ZFHX2: variants seen among roughly 807,000 people sequenced by gnomAD.
The protein encoded by ZFHX2 is zinc finger homeobox 2.
Under a neutral mutation model 164.8 loss-of-function variants are expected in ZFHX2, and 75 were observed. The observed-to-expected ratio is 0.46, with a 90% confidence interval of 0.38 to 0.55. The LOEUF is 0.55. Among genes scored for constraint, ZFHX2 ranks in the 20% least tolerant of loss-of-function variants. The pLI, the probability that ZFHX2 is intolerant of heterozygous loss-of-function variation, is 0.00. For synonymous variants in ZFHX2, 1,217 were observed against 1,351.4 expected, an observed-to-expected ratio of 0.90 and a Z score of 2.18; for missense variants, 2,933 against 3,308.0, an observed-to-expected ratio of 0.89 and a Z score of 2.78.
At position 23,522,607 on chromosome 14, in the gene ZFHX2, C is replaced by T. The variant is rs61753408; in HGVS notation, c.7074G>A (p.Pro2358=). ...GTAGCTGGGGGCCAAAGACAGCTGG[C>T]GGTGCTGTTCCCCCAGCAGGGGGCA... ...FPLPPAGGTA[P]PAVFGPQLQG... The change falls in exon 10 of 10, where the codon CCG becomes CCA. Residue 2358 remains proline, a synonymous_variant. Transcript: ENST00000419474. 20 of 1,530,616 alleles carry T rather than the reference C, an allele frequency of 1.3e-5. No homozygotes were observed. Among genetic ancestry groups the T allele is most frequent in the African/African-American group, 5.5e-5 (4 of 72,870 alleles). 94.8% of individuals were successfully genotyped at this position (1,530,616 alleles called of 1,614,324 possible).
At position 23,533,869 on chromosome 14, in the gene ZFHX2, C is replaced by T; in HGVS notation, c.1457G>A (p.Cys486Tyr). The T allele has an allele frequency of 6.5e-7, 1 of 1,538,146 alleles. No homozygotes were observed. Among genetic ancestry groups the T allele is most frequent in the Non-Finnish European group, 8.7e-7 (1 of 1,147,432 alleles). The change falls in exon 2 of 10, where the codon TGC (cysteine) becomes TAC (tyrosine). Residue 486 changes from cysteine (C) to tyrosine (Y), a missense_variant. Cys to Tyr is a radical substitution (Grantham distance 194). Coordinates refer to ENST00000419474, the MANE Select transcript of ZFHX2 (RefSeq NM_033400.3). The surrounding 1 kb of genome is among the most constrained non-coding windows in gnomAD (Gnocchi z 4.8). ...GCGGGGGTGGGCGCCCCCAGCACTG[C>T]AGTAGCTGCAGTGACTGTTGCTCTC... is the stretch of plus-strand genomic sequence containing the variant. Reference protein sequence around the residue: ...HPESNSHCSYCSAGGAHPRLA... With the variant: ...HPESNSHCSYYSAGGAHPRLA...
At position 23,551,282 on chromosome 14, in the gene ZFHX2, AAGAG is replaced by A. The variant is rs1163760936; in HGVS notation, c.-50+57_-50+60del. The A allele has an allele frequency of 1.3e-5, 2 of 152,414 alleles. No individual in the cohort carries two copies. Among genetic ancestry groups the A allele is most frequent in the Non-Finnish European group, 2.9e-5 (2 of 68,022 alleles). 9.4% of individuals were successfully genotyped at this position (152,414 alleles called of 1,614,324 possible). On this transcript the variant is annotated intron_variant, in intron 1 of 9. Transcript: ENST00000419474. The surrounding 1 kb of genome is among the most constrained non-coding windows in gnomAD (Gnocchi z 5.3). The stretch of plus-strand genomic sequence containing the variant: ...GCTTCCAAAGAGCAAGGAAGGGAAG[AAGAG>A]AGAGAGGGAGAGGAGAAAAAAACCA...
Position 23,526,465 on chromosome 14 carries a change from A to T in ZFHX2, c.3477T>A (p.Ser1159=). The T allele has an allele frequency of 6.5e-7, 1 of 1,536,182 alleles. No individual in the cohort carries two copies. The part of the protein sequence containing the change: ...EEEGTTGELR[S]AEPAPADSRH... ...GAGAGTCAGCTGGAGCTGGCTCTGC[A>T]GAGCGGAGCTCCCCAGTGGTCCCCT... Residue 1159 remains serine, a synonymous_variant, in exon 9 of 10, where the codon TCT becomes TCA. Transcript: ENST00000419474.
chr14:23,521,384 AAG>A lies in ZFHX2; in HGVS notation c.*576_*577del, dbSNP rs1326065993. The A allele has an allele frequency of 2.0e-5, 3 of 152,312 alleles. No individual in the cohort carries two copies. In the South Asian group the frequency reaches 6.2e-4, roughly 32 times the overall value. 9.4% of individuals were successfully genotyped at this position (152,312 alleles called of 1,614,324 possible). ...TTTGGGAGCCAACTGAGCATTTGGA[AAG>A]AGTTTGTGAGCGGTGTGGTGCTCTA... On this transcript the variant is annotated 3_prime_UTR_variant, in exon 10 of 10. Coordinates refer to ENST00000419474, the MANE Select transcript of ZFHX2 (RefSeq NM_033400.3).
chr14:23,531,509 G>C lies in ZFHX2; in HGVS notation c.2772C>G (p.Ser924Arg), dbSNP rs1237345037. The stretch of plus-strand genomic sequence containing the variant: ...GAGTCCGGAGCTGCCCGTGGCTGAA[G>C]CTCAGGATGCTCTGAAGAGCTGCGA... ...EGLAALQSILSFSHGQLRTPG... is the reference protein window; with the variant it reads ...EGLAALQSILRFSHGQLRTPG... The change falls in exon 4 of 10, where the codon AGC (serine) becomes AGG (arginine). Residue 924 changes from serine (S) to arginine (R), a missense_variant. By Grantham distance (110) the Ser-to-Arg change is moderately radical. Coordinates refer to ENST00000419474, the MANE Select transcript of ZFHX2 (RefSeq NM_033400.3). 2.0e-6 allele frequency: 3 copies of C among 1,463,738 alleles called. No individual in the cohort carries two copies. Among genetic ancestry groups the C allele is most frequent in the Non-Finnish European group, 2.7e-6 (3 of 1,103,816 alleles). The allele number at this position is 1,463,738 out of a possible 1,614,324, so 90.7% of individuals were successfully genotyped here.
chr14:23,536,575 G>A (rs760311117), intron 1 of ZFHX2, among the ~76,000 whole-genome samples: 3 of 152,110 alleles, frequency 2.0e-5, no homozygotes, highest in African/African-American at 4.8e-5. Context: ...AGTTATGTAG[G>A]TACATATACC....
Position 23,533,779 on chromosome 14 carries a change from G to A in ZFHX2, c.1547C>T (p.Ser516Phe). The change falls in exon 2 of 10, where the codon TCT becomes TTT. Residue 516 changes from serine to phenylalanine, a missense_variant. Ser to Phe is a radical substitution (Grantham distance 155). Transcript: ENST00000419474. The surrounding 1 kb of genome is among the most constrained non-coding windows in gnomAD (Gnocchi z 4.8). ...GCTGAGGTTGCCTTTGGTGGTTGTA[G>A]AGTAGTTGCAGACGTCACAGCGGTA... ...KPYRCDVCNY[S>F]TTTKGNLSIH... The A allele has an allele frequency of 6.4e-7, 1 of 1,557,924 alleles. No homozygotes were observed. Among genetic ancestry groups the A allele is most frequent in the Non-Finnish European group, 8.6e-7 (1 of 1,158,668 alleles).
At position 23,524,172 on chromosome 14, in the gene ZFHX2, C is replaced by T. The variant is rs1400494881; in HGVS notation, c.5770G>A (p.Val1924Met). The change falls in exon 9 of 10, where the codon GTG becomes ATG. Residue 1924 changes from valine (V) to methionine (M), a missense_variant. By Grantham distance (21) the Val-to-Met change is conservative (BLOSUM62 1). Coordinates refer to ENST00000419474, the MANE Select transcript of ZFHX2 (RefSeq NM_033400.3). The surrounding 1 kb of genome is among the most constrained non-coding windows in gnomAD (Gnocchi z 5.6). ...GGCGGTTTCACTGCTGGACTAGGCACCCCCCCAGGGGTGCTTCGAAACTGG... is the reference window on the plus strand; with the variant it reads ...GGCGGTTTCACTGCTGGACTAGGCATCCCCCCAGGGGTGCTTCGAAACTGG... ...KGQFRSTPGGVPSPAVKPPAT... is the reference protein window; with the variant it reads ...KGQFRSTPGGMPSPAVKPPAT... 1.4e-5 allele frequency: 21 copies of T among 1,535,730 alleles called. No homozygotes were observed. Among genetic ancestry groups the T allele is most frequent in the Admixed American group, 2.0e-5 (1 of 50,976 alleles).
chr14:23,525,488 C>T lies in ZFHX2; in HGVS notation c.4454G>A (p.Cys1485Tyr). Residue 1485 changes from cysteine to tyrosine, a missense_variant, in exon 9 of 10, where the codon TGT becomes TAT. By Grantham distance (194) the Cys-to-Tyr change is radical. Coordinates refer to ENST00000419474, the MANE Select transcript of ZFHX2 (RefSeq NM_033400.3). The surrounding 1 kb of genome is among the most constrained non-coding windows in gnomAD (Gnocchi z 5.9). Reference sequence around the variant, plus strand: ...AAGCATATTGGAGAAGAGTTTCCCACAGGCCCCACAGGCCAGCTTGTCCCC... The same window carrying T: ...AAGCATATTGGAGAAGAGTTTCCCATAGGCCCCACAGGCCAGCTTGTCCCC... ...GGGDKLACGA[C>Y]GKLFSNMLIL... 3 of 1,535,904 alleles carry T rather than the reference C, an allele frequency of 2.0e-6. No homozygotes were observed. The highest frequency in any genetic ancestry group is 2.6e-6 in the Non-Finnish European group (3 of 1,146,906).
chr14:23,544,449 G>T (rs370869705), intron 1 of ZFHX2, among the ~76,000 whole-genome samples: 31 of 152,144 alleles, frequency 2.0e-4, no homozygotes, highest in African/African-American at 7.5e-4. Context: ...TTTTTTGATT[G>T]TATGTGGGGC....
intron 4 of ZFHX2, chr14:23,530,519 C>A (rs1879405679): frequency 3.7e-6 from 2 of 544,000 alleles, no homozygotes; most frequent in East Asian, 4.3e-5. Flanking sequence ...AATGGGAAGC[C>A]CCAGAGAAAT....
At chr14:23,542,503 G>A (rs1880927687) in intron 1 of ZFHX2, among the ~76,000 whole-genome samples, 2 of 152,164 alleles carry the variant, frequency 1.3e-5, no homozygotes, top group South Asian at 4.1e-4. Context: ...GCAGTGTGGA[G>A]CTGCTCTGCT....
At chr14:23,545,734 T>TG (rs1418791411) in intron 1 of ZFHX2, among the ~76,000 whole-genome samples, 1 of 152,144 alleles carries the variant, frequency 6.6e-6, no homozygotes, top group South Asian at 2.1e-4. Context: ...CAGAGATGGC[T>TG]GGGGGGAAAT....
chr14:23,533,592 T>C lies in ZFHX2; in HGVS notation c.1734A>G (p.Thr578=). The change falls in exon 2 of 10, where the codon ACA becomes ACG. Residue 578 remains threonine, a synonymous_variant. Transcript: ENST00000419474. This position sits in a 1 kb window ranked among gnomAD's most constrained non-coding sequence, Gnocchi z 4.8. The part of the protein sequence containing the change: ...SWQCKVCSYE[T]NISRNLRIHM... ...GGATGCGCAGGTTACGGGAGATGTT[T>C]GTCTCGTAGCTGCACACCTTGCACT... The C allele has an allele frequency of 6.5e-7, 1 of 1,536,698 alleles. No homozygotes were observed. Among genetic ancestry groups the C allele is most frequent in the Non-Finnish European group, 8.7e-7 (1 of 1,147,040 alleles).
intron 1 of ZFHX2, among the ~76,000 whole-genome samples, chr14:23,541,599 T>C (rs764686606): frequency 2.0e-5 from 3 of 152,156 alleles, no homozygotes; most frequent in Non-Finnish European, 4.4e-5. Context: ...GATTTAAATC[T>C]AGTCTACTCA....
Position 23,525,550 on chromosome 14 carries a change from A to C in ZFHX2, c.4392T>G (p.Pro1464=), listed in dbSNP as rs1004460198. The C allele has an allele frequency of 2.0e-6, 3 of 1,534,384 alleles. No homozygotes were observed. In the African/African-American group the frequency reaches 4.1e-5, roughly 21 times the overall value. Residue 1464 remains proline (P), a synonymous_variant, in exon 9 of 10, where the codon CCT becomes CCG. Transcript: ENST00000419474. The surrounding 1 kb of genome is among the most constrained non-coding windows in gnomAD (Gnocchi z 5.9). ...QYNEGKQAVP[P]PPTPPPPEAL... is the part of the protein sequence containing the mutation. ...CCTCAGGTGGGGGTGGGGTAGGGGG[A>C]GGGGGCACAGCTTGCTTCCCTTCAT...
intron 1 of ZFHX2, chr14:23,543,014 C>G (rs1470468038): frequency 6.6e-6 from 1 of 152,166 alleles, no homozygotes; most frequent in Non-Finnish European, 1.5e-5. Context: ...TGAGCCACTG[C>G]GCCCGGCTGG....
rs914248606 is a variant in ZFHX2, at chr14:23,534,856, A to G, written c.470T>C (p.Phe157Ser). The change falls in exon 2 of 10, where the codon TTC (phenylalanine) becomes TCC (serine). Residue 157 changes from phenylalanine (F) to serine (S), a missense_variant. Physicochemically the swap from Phe to Ser is radical, Grantham distance 155 (BLOSUM62 -2). Transcript: ENST00000419474. The surrounding 1 kb of genome is among the most constrained non-coding windows in gnomAD (Gnocchi z 4.5). ...GTGTGAGGGGGGTGGGTAGGCAAGG[A>G]AGGGCAGACTGGGCTCTTCCTTGAT... ...AGIKEEPSLP[F>S]LAYPPPSHLT... The G allele has an allele frequency of 1.9e-5, 29 of 1,535,958 alleles. No homozygotes were observed. Among genetic ancestry groups the G allele is most frequent in the African/African-American group, 2.7e-5 (2 of 73,028 alleles).
Position 23,523,555 on chromosome 14 carries a change from G to T in ZFHX2, c.6387C>A (p.Ala2129=). Reference sequence around the variant, plus strand: ...CACTGCTGCCCCCAGTGCTCCCAGCGGCTGTCCCCTGTAGTTTGGCCTTCT... The same window carrying T: ...CACTGCTGCCCCCAGTGCTCCCAGCTGCTGTCCCCTGTAGTTTGGCCTTCT... ...KEKKAKLQGT[A]AGSTGGSSEG... Residue 2129 remains alanine, a synonymous_variant, in exon 9 of 10, where the codon GCC becomes GCA. Transcript: ENST00000419474. The surrounding 1 kb of genome is among the most constrained non-coding windows in gnomAD (Gnocchi z 4.1). 1 of 1,537,682 alleles carries T rather than the reference G, an allele frequency of 6.5e-7. No homozygotes were observed.
Sources: allele counts gnomAD v4.1 joint callset (sites outside exome capture counted in the v4.1 genomes callset), GRCh38; gene constraint gnomAD v4.1.1; non-coding constraint Gnocchi (gnomAD v3.1); transcripts MANE v1.5; gene names NCBI Gene and HGNC (gene_info 2026-07-23, HGNC 2026-07-21).